The following CRYBG1 variants were observed in gnomAD, a reference collection of about 807,000 sequenced individuals.
The protein encoded by CRYBG1 is crystallin beta-gamma domain containing 1, also known as beta/gamma crystallin domain-containing protein 1.
CRYBG1 carries 139 observed loss-of-function variants against 189.2 expected under a neutral mutation model. That is an observed-to-expected ratio of 0.73 (90% CI 0.64 to 0.85). CRYBG1 has a LOEUF of 0.85. Among genes scored for constraint, CRYBG1 ranks in the 40% least tolerant of loss-of-function variants. The probability of loss-of-function intolerance (pLI) is 0.00; values close to 1 mark genes in which losing one functional copy is unlikely to be tolerated. For missense variants in CRYBG1, 2,611 were observed against 2,675.8 expected (o/e 0.98, Z 0.53); for synonymous variants, 1,023 against 1,017.1 (o/e 1.01, Z -0.11).
In CRYBG1 at chr6:106,520,098, G is replaced by A. The variant is rs571770477; in HGVS notation, c.2890G>A (p.Val964Met). ...CCAGGTCAGGTCCTTCGTGCTCCCC[G>A]TGGAGAGCACCCAGGATGTGAGCTC... ...LVQVRSFVLP[V>M]ESTQDVSSQV... The change falls in exon 4 of 22, where the codon GTG (valine) becomes ATG (methionine). Residue 964 changes from valine to methionine, a missense_variant. Val to Met is a conservative substitution (Grantham distance 21). Transcript: ENST00000633556. The A allele has an allele frequency of 1.6e-5, 26 of 1,614,070 alleles. No individual in the cohort carries two copies. Among genetic ancestry groups the A allele is most frequent in the African/African-American group, 9.3e-5 (7 of 75,018 alleles).
chr6:106,517,528 A>T (rs1323970362), intron 3 of CRYBG1, among the ~76,000 whole-genome samples: 1 of 151,726 alleles, frequency 6.6e-6, no homozygotes, highest in Non-Finnish European at 1.5e-5. Context: ...ACATATATAT[A>T]AGCTTTGGAA....
In CRYBG1 at chr6:106,434,819, A is replaced by G. The variant is rs75822391; in HGVS notation, c.174-16875A>G. ...TGCTAAGCCCTGATGTAAAAGAAAA[A>G]CTAGAGAATAATAAATCAGAAGATT... On this transcript the variant is annotated intron_variant, in intron 1 of 21. Coordinates refer to ENST00000633556, the MANE Select transcript of CRYBG1 (RefSeq NM_001371242.2). Among the ~76,000 whole-genome samples the G allele has an allele frequency of 1.4e-3, 215 of 152,354 alleles. 5 individuals carry two copies. The East Asian group carries it at 0.018, about 13-fold the overall frequency.
At chr6:106,531,083 A>G (rs1177756537) in intron 8 of CRYBG1, among the ~76,000 whole-genome samples, 1 of 152,240 alleles carries the variant, frequency 6.6e-6, no homozygotes, top group East Asian at 1.9e-4. Context: ...AATGGTTTAT[A>G]CAGTCAAAAA....
At position 106,558,554 on chromosome 6, in the gene CRYBG1, T is replaced by A; in HGVS notation, c.5784T>A (p.Asn1928Lys). Residue 1928 changes from asparagine to lysine, a missense_variant, in exon 18 of 22, where the codon AAT becomes AAA. Asn to Lys is a moderately conservative substitution (Grantham distance 94, BLOSUM62 0). This residue lies in a region of CRYBG1 where 1,622 missense variants were observed against 1,735.0 expected (regional missense o/e 0.93). Transcript: ENST00000633556. ...EDFKGKKIEL[N>K]AETVNLRSLG... ...TCAAAGGAAAAAAGATTGAACTTAA[T>A]GCAGAAACTGTCAATCTCCGATCCC... The A allele has an allele frequency of 6.2e-7, 1 of 1,612,652 alleles. No homozygotes were observed.
chr6:106,419,663 C>A (rs979677740), intron 1 of CRYBG1, among the ~76,000 whole-genome samples: 2 of 152,330 alleles, frequency 1.3e-5, no homozygotes, highest in African/African-American at 2.4e-5. Flanking sequence ...GGATTACAGG[C>A]GTGAGCCACC....
chr6:106,544,604 T>C lies in CRYBG1; in HGVS notation c.5073T>C (p.Gly1691=), dbSNP rs960111014. The part of the protein sequence containing the change: ...WVAYEKPGFT[G]HQYLLEEGEY... ...CATATGAGAAACCTGGATTTACCGG[T>C]CATCAGTATTTGCTAGAAGAAGGAG... The change falls in exon 12 of 22, where the codon GGT becomes GGC. Residue 1691 remains glycine, a synonymous_variant. Transcript: ENST00000633556. The C allele has an allele frequency of 3.7e-6, 6 of 1,613,828 alleles. No homozygotes were observed. In the African/African-American group the frequency reaches 8.0e-5, roughly 22 times the overall value.
chr6:106,499,379 C>G lies in CRYBG1; in HGVS notation c.313-12051C>G, dbSNP rs1772948264. Among the ~76,000 whole-genome samples, 4 of 147,964 alleles carry G rather than the reference C, an allele frequency of 2.7e-5. No individual in the cohort carries two copies. In the South Asian group the frequency reaches 6.4e-4, roughly 24 times the overall value. ...TTCACCATGTTGGCCAGGCTGGTCT[C>G]GAACTCCTGACCTCAGGTGATCCAC... On this transcript the variant is annotated intron_variant, in intron 2 of 21. Transcript: ENST00000633556.
chr6:106,407,211 CAA>C (rs144880146), intron 1 of CRYBG1, among the ~76,000 whole-genome samples: 7 of 151,042 alleles, frequency 4.6e-5, no homozygotes, highest in Non-Finnish European at 5.9e-5. Context: ...ATATGGAAAG[CAA>C]AAAAAAAGCA....
intron 8 of CRYBG1, among the ~76,000 whole-genome samples, chr6:106,530,735 C>T (rs1455413472): frequency 6.6e-6 from 1 of 151,902 alleles, no homozygotes; most frequent in East Asian, 1.9e-4. Context: ...GGTTCAAAGC[C>T]CCTAGGAGGT....
At chr6:106,385,504 T>C (rs549713435) in intron 1 of CRYBG1, among the ~76,000 whole-genome samples, 1 of 152,326 alleles carries the variant, frequency 6.6e-6, no homozygotes, top group East Asian at 1.9e-4. Context: ...AAATGACCAA[T>C]TCAGTTTTCC....
At position 106,552,187 on chromosome 6, in the gene CRYBG1, T is replaced by C; in HGVS notation, c.5443T>C (p.Ser1815Pro). The change falls in exon 15 of 22, where the codon TCT (serine) becomes CCT (proline). Residue 1815 changes from serine (S) to proline (P), a missense_variant. Ser to Pro is a moderately conservative substitution (Grantham distance 74). Transcript: ENST00000633556. ...ISSVQPICLD[S>P]FTGPRRRNQI... Reference sequence around the variant, plus strand: ...TCCTTCCTTTAAAAATTTTTAGGATTCTTTCACTGGCCCAAGGAGACGAAA... The same window carrying C: ...TCCTTCCTTTAAAAATTTTTAGGATCCTTTCACTGGCCCAAGGAGACGAAA... 6.3e-7 allele frequency: 1 copy of C among 1,587,868 alleles called. No individual in the cohort carries two copies. The highest frequency in any genetic ancestry group is 8.6e-7 in the Non-Finnish European group (1 of 1,164,106).
intron 4 of CRYBG1, among the ~76,000 whole-genome samples, chr6:106,521,865 C>T (rs1015053891): frequency 2.6e-5 from 4 of 151,900 alleles, no homozygotes; most frequent in Non-Finnish European, 5.9e-5. Flanking sequence ...AATGCAGGCG[C>T]GTGCCACCAC....
chr6:106,393,874 T>G (rs1184449501), intron 1 of CRYBG1, among the ~76,000 whole-genome samples: 1 of 152,186 alleles, frequency 6.6e-6, no homozygotes, highest in Non-Finnish European at 1.5e-5. Flanking sequence ...GGTTTTGCCA[T>G]GTTAGCCAGG....
In CRYBG1 at chr6:106,512,742, C is replaced by A. The variant is rs201166780; in HGVS notation, c.1625C>A (p.Pro542His). The change falls in exon 3 of 22, where the codon CCC becomes CAC. Residue 542 changes from proline (P) to histidine (H), a missense_variant. Pro to His is a moderately conservative substitution (Grantham distance 77). This residue lies in a region of CRYBG1 where 985 missense variants were observed against 924.4 expected (regional missense o/e 1.07). Transcript: ENST00000633556. ...GPRAPAKESP[P>H]KRVPDPSPVT... is the part of the protein sequence containing the mutation. ...CGGGCTCCCGCCAAGGAGTCCCCAC[C>A]CAAGAGGGTGCCCGATCCCAGCCCA... The A allele has an allele frequency of 1.3e-6, 2 of 1,570,552 alleles. No homozygotes were observed. The highest frequency in any genetic ancestry group is 4.7e-5 in the East Asian group (2 of 42,912).
chr6:106,377,556 C>T (rs1480849158), intron 1 of CRYBG1, among the ~76,000 whole-genome samples: 1 of 150,530 alleles, frequency 6.6e-6, no homozygotes, highest in Non-Finnish European at 1.5e-5. Context: ...CTGACAGAAT[C>T]TCTGACTGAG....
At chr6:106,550,194 T>C (rs997338827) in intron 13 of CRYBG1, among the ~76,000 whole-genome samples, 11 of 152,216 alleles carry the variant, frequency 7.2e-5, no homozygotes, top group African/African-American at 2.7e-4. Flanking sequence ...TGGCACCTGG[T>C]AAATGAATTA....
At chr6:106,400,882 T>C (rs114467904) in intron 1 of CRYBG1, among the ~76,000 whole-genome samples, 7,527 of 152,024 alleles carry the variant, frequency 0.05, 574 homozygotes, top group African/African-American at 0.16. Context: ...TGCAAGATCG[T>C]AGAGAAGGGT....
At chr6:106,457,774 ATC>A (rs973100360) in intron 2 of CRYBG1, among the ~76,000 whole-genome samples, 1 of 152,006 alleles carries the variant, frequency 6.6e-6, no homozygotes, top group African/African-American at 2.4e-5. Flanking sequence ...CCTAGCTTAA[ATC>A]TCTCTGCCTT....
intron 8 of CRYBG1, among the ~76,000 whole-genome samples, chr6:106,531,025 T>C (rs1166842794): frequency 6.6e-6 from 1 of 152,248 alleles, no homozygotes; most frequent in Non-Finnish European, 1.5e-5. Flanking sequence ...GTAATGTATA[T>C]AATTTATAAA....
Sources: gnomAD v4.1 joint callset for allele counts (sites outside exome capture counted in the v4.1 genomes callset) on GRCh38, gnomAD v4.1.1 for gene constraint, gnomAD v4.1.1 regional missense constraint, MANE v1.5 for transcripts, NCBI Gene and HGNC (gene_info 2026-07-23, HGNC 2026-07-21) for gene names.